The following DGKD variants were observed in gnomAD, a reference collection of about 807,000 sequenced individuals.
DGKD encodes DAG kinase delta.
DGKD carries 68 observed loss-of-function variants against 154.4 expected under a neutral mutation model. The observed-to-expected ratio is 0.44, with a 90% CI of 0.36 to 0.54. The LOEUF (loss-of-function observed/expected upper bound fraction) is 0.54. Ranked by LOEUF, DGKD falls within the 20% of genes least tolerant of loss-of-function variation. DGKD has a pLI of 0.00. For missense variants in DGKD, 1,343 were observed against 1,593.6 expected, an observed-to-expected ratio of 0.84 and a Z score of 2.68; for synonymous variants, 693 against 638.0, an observed-to-expected ratio of 1.09 and a Z score of -1.30.
intron 3 of DGKD, among the ~76,000 whole-genome samples, chr2:233,423,527 A>C (rs2062188115): frequency 6.6e-6 from 1 of 151,818 alleles, no homozygotes; most frequent in South Asian, 2.1e-4. Flanking sequence ...CTGTGTGCTT[A>C]TTTGCCGCTT....
chr2:233,462,540 C>T lies in DGKD; in HGVS notation c.3093+81C>T, dbSNP rs1055369273. The T allele has an allele frequency of 6.3e-5, 96 of 1,524,110 alleles. No homozygotes were observed. The Admixed American group carries it at 9.8e-4, about 16-fold the overall frequency. The allele number at this position is 1,524,110 out of a possible 1,614,324, so 94.4% of individuals were successfully genotyped here. On this transcript the variant is annotated intron_variant, in intron 25 of 29. Coordinates refer to ENST00000264057, the MANE Select transcript of DGKD (RefSeq NM_152879.3). ...CCCTCCCCGTGCGTGTTCATTCCCCCGCCTCCCCGGTGCATGTTCGGCCCT... is the reference window on the plus strand; with the variant it reads ...CCCTCCCCGTGCGTGTTCATTCCCCTGCCTCCCCGGTGCATGTTCGGCCCT...
chr2:233,439,544 G>A (rs976929454), intron 9 of DGKD, among the ~76,000 whole-genome samples: 2 of 152,156 alleles, frequency 1.3e-5, no homozygotes, highest in Admixed American at 1.3e-4. Context: ...CTAGTAGGCT[G>A]ATCAAGATAT....
chr2:233,403,814 G>A (rs577713370), intron 3 of DGKD, among the ~76,000 whole-genome samples: 48 of 151,898 alleles, frequency 3.2e-4, no homozygotes, highest in Non-Finnish European at 5.3e-4. Flanking sequence ...TAATTTTTTT[G>A]TATTTTTAGT....
At chr2:233,422,324 TC>T (rs1321651808) in intron 3 of DGKD, among the ~76,000 whole-genome samples, 1 of 152,218 alleles carries the variant, frequency 6.6e-6, no homozygotes, top group African/African-American at 2.4e-5. Flanking sequence ...AATGAAACCT[TC>T]CATTTCCAGG....
chr2:233,392,698 C>A (rs1703703917), intron 3 of DGKD, among the ~76,000 whole-genome samples: 1 of 152,130 alleles, frequency 6.6e-6, no homozygotes, highest in African/African-American at 2.4e-5. Context: ...GTCAAGAAGA[C>A]TTTTTAGGGA....
chr2:233,449,525 A>C lies in DGKD; in HGVS notation c.1888+149A>C. The C allele has an allele frequency of 8.7e-7, 1 of 1,143,410 alleles. No homozygotes were observed. Among genetic ancestry groups the C allele is most frequent in the Non-Finnish European group, 1.2e-6 (1 of 832,368 alleles). The allele number at this position is 1,143,410 out of a possible 1,614,324, so 70.8% of individuals were successfully genotyped here. On this transcript the variant is annotated intron_variant, in intron 15 of 29. Transcript: ENST00000264057. This position sits in a 1 kb window ranked among gnomAD's most constrained non-coding sequence, Gnocchi z 5.3. Reference sequence around the variant, plus strand: ...CCCATGTCCAGGCACCAGACCCCCAACGAGTTCGCTTGCCCTCCTTCCACC... The same window carrying C: ...CCCATGTCCAGGCACCAGACCCCCACCGAGTTCGCTTGCCCTCCTTCCACC...
intron 1 of DGKD, among the ~76,000 whole-genome samples, chr2:233,385,758 A>G (rs1415718020): frequency 6.6e-6 from 1 of 152,184 alleles, no homozygotes; most frequent in African/African-American, 2.4e-5. Context: ...TTTTGACTAA[A>G]TGTTTAAAAA....
rs1425718105 is a variant in DGKD, at chr2:233,354,502, C to G, written c.-17C>G. ...CCGCCCCGCCCCCGCCCGCGGTGCGCGCGCTGGCCCGGCAGCATGGCGGCG... is the reference window on the plus strand; with the variant it reads ...CCGCCCCGCCCCCGCCCGCGGTGCGGGCGCTGGCCCGGCAGCATGGCGGCG... On this transcript the variant is annotated 5_prime_UTR_variant, in exon 1 of 30. Transcript: ENST00000264057. This position sits in a 1 kb window ranked among gnomAD's most constrained non-coding sequence, Gnocchi z 4.8. 23 of 976,470 alleles carry G rather than the reference C, an allele frequency of 2.4e-5. No homozygotes were observed. Among genetic ancestry groups the G allele is most frequent in the Non-Finnish European group, 2.5e-5 (21 of 825,158 alleles). The allele number at this position is 976,470 out of a possible 1,614,324, so 60.5% of individuals were successfully genotyped here.
rs573370582 is a variant in DGKD, at chr2:233,436,096, C to T, written c.693+172C>T. ...GGTCTCCGTGTGGTTGTCGCACCCC[C>T]GAGCTCCATCCTGTCCCTGTGAGTC... is the stretch of plus-strand genomic sequence containing the variant. On this transcript the variant is annotated intron_variant, in intron 6 of 29. Coordinates refer to ENST00000264057, the MANE Select transcript of DGKD (RefSeq NM_152879.3). Among the ~76,000 whole-genome samples the T allele has an allele frequency of 3.5e-4, 54 of 152,368 alleles. 1 individual carries two copies. The highest frequency in any genetic ancestry group is 1.3e-3 in the African/African-American group (52 of 41,586).
chr2:233,446,820 C>T (rs756745126), intron 12 of DGKD, 24 bp downstream of exon 12: 1 of 1,613,144 alleles, frequency 6.2e-7, no homozygotes, highest in Non-Finnish European at 8.5e-7. Context: ...GTTCTTCACA[C>T]CCTGCTCGCA....
In DGKD at chr2:233,437,356, ACG is replaced by A; in HGVS notation, c.820-18_820-17del. ...TGAAGGATGCCAGTGACCCTTGGTG[ACG>A]CGGGGACTCTTGTTTCAGGTTCACA... On this transcript the variant is annotated intron_variant, in intron 7 of 29. Transcript: ENST00000264057. The A allele has an allele frequency of 6.2e-7, 1 of 1,609,918 alleles. No individual in the cohort carries two copies.
chr2:233,392,986 C>T (rs182821769), intron 3 of DGKD, among the ~76,000 whole-genome samples: 41 of 152,274 alleles, frequency 2.7e-4, no homozygotes, highest in African/African-American at 9.9e-4. Flanking sequence ...AGAACTAGTT[C>T]TTAGATTATT....
intron 7 of DGKD, 124 bp from the exon 8 acceptor site, chr2:233,437,253 G>T: frequency 8.1e-6 from 7 of 860,394 alleles, no homozygotes; most frequent in Non-Finnish European, 1.3e-5. Flanking sequence ...ATGGTAGCAG[G>T]CCAGCCCAGC....
At chr2:233,451,833 A>G (rs1575150847) in intron 17 of DGKD, 131 bp from the exon 18 acceptor site, 1 of 762,808 alleles carries the variant, frequency 1.3e-6, no homozygotes, top group East Asian at 2.8e-5. Context: ...ACATGGTTAT[A>G]CATAATTTTA....
chr2:233,367,712 G>A (rs936428697), intron 1 of DGKD, among the ~76,000 whole-genome samples: 8 of 151,798 alleles, frequency 5.3e-5, no homozygotes, highest in Middle Eastern at 3.2e-3. Context: ...TGACATTTTG[G>A]GCATATCCCT....
At position 233,372,300 on chromosome 2, in the gene DGKD, G is replaced by A. The variant is rs1409767188; in HGVS notation, c.157-15957G>A. On this transcript the variant is annotated intron_variant, in intron 1 of 29. Coordinates refer to ENST00000264057, the MANE Select transcript of DGKD (RefSeq NM_152879.3). ...TCTCCCAAAGTGGCTAGGATTACAG[G>A]CGTGAGCTACTGAGCCCAGCCTCTT... Among the ~76,000 whole-genome samples, 7 of 152,330 alleles carry A rather than the reference G, an allele frequency of 4.6e-5. 1 individual carries two copies. The South Asian group carries it at 1.2e-3, about 27-fold the overall frequency.
chr2:233,383,347 A>AT (rs1703000612), intron 1 of DGKD, among the ~76,000 whole-genome samples: 1 of 152,002 alleles, frequency 6.6e-6, no homozygotes, highest in South Asian at 2.1e-4. Flanking sequence ...AGCCCGTTCC[A>AT]TGGGAGTTTC....
chr2:233,393,689 T>TG (rs1559497773), intron 3 of DGKD, among the ~76,000 whole-genome samples: 1 of 139,414 alleles, frequency 7.2e-6, no homozygotes, highest in African/African-American at 2.9e-5. Context: ...ATTGGTTTTT[T>TG]TTTTTTTTTT....
At position 233,437,764 on chromosome 2, in the gene DGKD, C is replaced by T. The variant is rs531621583; in HGVS notation, c.922+285C>T. On this transcript the variant is annotated intron_variant, in intron 8 of 29. Transcript: ENST00000264057. ...ACAGGCCTGAGACCCGAGCCTGGCA[C>T]TTGACGTGGAGGTGATGCTGTTGAG... 1.5e-3 allele frequency among the ~76,000 whole-genome samples: 223 copies of T among 152,286 alleles called. 1 individual carries two copies. The highest frequency in any genetic ancestry group is 5.2e-3 in the African/African-American group (215 of 41,542).
Sources: gnomAD v4.1 joint callset for allele counts (sites outside exome capture counted in the v4.1 genomes callset) on GRCh38, gnomAD v4.1.1 for gene constraint, Gnocchi (gnomAD v3.1) non-coding constraint, MANE v1.5 for transcripts, NCBI Gene and HGNC (gene_info 2026-07-23, HGNC 2026-07-21) for gene names.